The following TSPEAR variants were observed in gnomAD, a reference collection of about 807,000 sequenced individuals.
TSPEAR encodes the protein thrombospondin type laminin G domain and EAR repeats.
A neutral mutation model predicts 71.6 loss-of-function variants in TSPEAR; 69 were observed. That is an observed-to-expected ratio of 0.96 (90% CI 0.79 to 1.18). The LOEUF (loss-of-function observed/expected upper bound fraction) is 1.18. Among genes scored for constraint, TSPEAR ranks in the 50% most tolerant of loss-of-function variants. TSPEAR has a pLI of 0.00. For missense variants in TSPEAR, 971 were observed against 894.9 expected (o/e 1.09, Z -1.09); for synonymous variants, 402 against 387.2 (o/e 1.04, Z -0.45).
At chr21:44,534,390 TGGGGCTGGTGTGTGAGGGGC>T (rs1255649284) in intron 2 of TSPEAR, among the ~76,000 whole-genome samples, 2 of 13,056 alleles carry the variant, frequency 1.5e-4, no homozygotes, top group East Asian at 5.8e-3. Context: ...GTGTGAGGGG[TGGGGCTGGTGTGTGAGGGGC>T]GGGGCTGGTG....
chr21:44,509,700 C>T (rs2052312103), intron 9 of TSPEAR: 2 of 347,370 alleles, frequency 5.8e-6, no homozygotes, highest in South Asian at 3.3e-5. Flanking sequence ...AGACGTGGCA[C>T]TCCTGCTGGC....
At chr21:44,537,775 T>C (rs1388990855) in intron 2 of TSPEAR, among the ~76,000 whole-genome samples, 1 of 152,160 alleles carries the variant, frequency 6.6e-6, no homozygotes, top group Non-Finnish European at 1.5e-5. Context: ...GGGCATATGA[T>C]GGACAGAGGA....
intron 1 of TSPEAR, among the ~76,000 whole-genome samples, chr21:44,704,289 G>A (rs978768203): frequency 7.1e-6 from 1 of 141,374 alleles, no homozygotes; most frequent in Admixed American, 6.9e-5. Flanking sequence ...CATGGAACAC[G>A]GGGTGAGAGA....
chr21:44,518,172 A>AG (rs2052643131), intron 9 of TSPEAR: 2 of 380,262 alleles, frequency 5.3e-6, no homozygotes, highest in Middle Eastern at 7.5e-4. Flanking sequence ...ATACTTCTGA[A>AG]GACAAGTATA....
chr21:44,610,297 G>T (rs587633271), intron 1 of TSPEAR, among the ~76,000 whole-genome samples: 1 of 152,208 alleles, frequency 6.6e-6, no homozygotes, highest in Non-Finnish European at 1.5e-5. Flanking sequence ...CCCATCAGAG[G>T]CCTGGAGGCC....
At chr21:44,699,612 C>T (rs559246631) in intron 1 of TSPEAR, among the ~76,000 whole-genome samples, 22 of 152,226 alleles carry the variant, frequency 1.4e-4, no homozygotes, top group African/African-American at 5.1e-4. Context: ...CTCACTCTGC[C>T]GGCCAGCCCC....
At chr21:44,518,757 C>T (rs1555913873) in intron 9 of TSPEAR, 1 of 461,796 alleles carries the variant, frequency 2.2e-6, no homozygotes, top group Non-Finnish European at 4.5e-6. Flanking sequence ...TGCAACTATT[C>T]CTTGTGTGAT....
Position 44,664,243 on chromosome 21 carries a change from A to G in TSPEAR, c.82+47190T>C, listed in dbSNP as rs587669577. ...ACTAGTAAGTGAATTTAACAAGGTC[A>G]AAGAAAAAATGCCAATATACAAAAA... On this transcript the variant is annotated intron_variant, in intron 1 of 11. Transcript: ENST00000323084. Among the ~76,000 whole-genome samples, 4 of 152,302 alleles carry G rather than the reference A, an allele frequency of 2.6e-5. No homozygotes were observed. The South Asian group carries it at 8.3e-4, about 32-fold the overall frequency.
intron 1 of TSPEAR, among the ~76,000 whole-genome samples, chr21:44,651,855 A>G (rs1166217358): frequency 6.6e-6 from 1 of 152,236 alleles, no homozygotes; most frequent in Non-Finnish European, 1.5e-5. Flanking sequence ...ACTAAGGGGA[A>G]AAAAATCAAG....
At chr21:44,669,952 G>A (rs1401138994) in intron 1 of TSPEAR, among the ~76,000 whole-genome samples, 1 of 152,182 alleles carries the variant, frequency 6.6e-6, no homozygotes, top group Non-Finnish European at 1.5e-5. Flanking sequence ...CCAGGAAGGA[G>A]GCACGCTGAA....
rs185275601 is a variant in TSPEAR at position 44,654,804 on chromosome 21, T to C, written c.82+56629A>G. The C allele has an allele frequency of 1.0e-3, 581 of 563,896 alleles. 7 individuals carry two copies. In the East Asian group the frequency reaches 0.016, roughly 16 times the overall value. 34.9% of individuals were successfully genotyped at this position (563,896 alleles called of 1,614,324 possible). A position where few individuals can be genotyped will look rare whatever the true frequency, so the allele number is the denominator to read the frequency against. The stretch of plus-strand genomic sequence containing the variant: ...TGTTTTTCTGTTGAGGTTACTCAGT[T>C]CAGGAAACTCTTTCAGCTAGGGGTG... On this transcript the variant is annotated intron_variant, in intron 1 of 11. Coordinates refer to ENST00000323084, the MANE Select transcript of TSPEAR (RefSeq NM_144991.3).
intron 1 of TSPEAR, among the ~76,000 whole-genome samples, chr21:44,609,207 C>T (rs1315526499): frequency 6.6e-6 from 1 of 152,152 alleles, no homozygotes. Flanking sequence ...AAAGAGATAG[C>T]ATAAGGGATC....
rs1042323983 is a variant in TSPEAR, at chr21:44,710,548, C to T, written c.82+885G>A. 3.3e-5 allele frequency among the ~76,000 whole-genome samples: 5 copies of T among 152,104 alleles called. No individual in the cohort carries two copies. Among genetic ancestry groups the T allele is most frequent in the African/African-American group, 4.8e-5 (2 of 41,424 alleles). On this transcript the variant is annotated intron_variant, in intron 1 of 11. Transcript: ENST00000323084. This position sits in a 1 kb window ranked among gnomAD's most constrained non-coding sequence, Gnocchi z 4.6. The stretch of plus-strand genomic sequence containing the variant: ...GCTGTGGCCCGGTGCCGGGGGTGGA[C>T]TTCATCTATTCCAGGGAACCAAGGA...
intron 1 of TSPEAR, chr21:44,654,585 G>A (rs782361114): frequency 1.9e-6 from 3 of 1,594,576 alleles, no homozygotes; most frequent in Non-Finnish European, 1.7e-6. Flanking sequence ...AGGCCATTGG[G>A]CAGCCCGAAG....
At chr21:44,540,578 G>T (rs2053203522) in intron 2 of TSPEAR, among the ~76,000 whole-genome samples, 1 of 152,298 alleles carries the variant, frequency 6.6e-6, no homozygotes, top group East Asian at 1.9e-4. Flanking sequence ...CACGATCGTG[G>T]GGGCGTCTCC....
At chr21:44,655,218 G>T (rs1168869108) in intron 1 of TSPEAR, among the ~76,000 whole-genome samples, 1 of 137,460 alleles carries the variant, frequency 7.3e-6, no homozygotes, top group African/African-American at 2.9e-5. Flanking sequence ...GTCATAGAGG[G>T]TTTGCACAAT....
chr21:44,600,178 G>A (rs1003305035), intron 1 of TSPEAR, among the ~76,000 whole-genome samples: 1 of 152,098 alleles, frequency 6.6e-6, no homozygotes, highest in Non-Finnish European at 1.5e-5. Context: ...CTCTAGCCTG[G>A]CATTCCAGAA....
chr21:44,516,578 CG>C (rs377248651), intron 9 of TSPEAR: 4 of 152,368 alleles, frequency 2.6e-5, no homozygotes, highest in African/African-American at 9.6e-5. Flanking sequence ...GGTTCGGCCA[CG>C]GGGCGATTCT....
intron 1 of TSPEAR, among the ~76,000 whole-genome samples, chr21:44,619,046 G>C (rs1383131385): frequency 6.6e-6 from 1 of 152,120 alleles, no homozygotes; most frequent in Non-Finnish European, 1.5e-5. Flanking sequence ...CTCACCTCTG[G>C]CTGAACCTCA....
Sources: allele counts gnomAD v4.1 joint callset (sites outside exome capture counted in the v4.1 genomes callset), GRCh38; gene constraint gnomAD v4.1.1; non-coding constraint Gnocchi (gnomAD v3.1); transcripts MANE v1.5; gene names NCBI Gene and HGNC (gene_info 2026-07-23, HGNC 2026-07-21).